The following MKLN1 variants were observed in gnomAD, a reference collection of about 807,000 sequenced individuals.
MKLN1 encodes muskelin 1.
MKLN1 carries 18 observed loss-of-function variants against 99.0 expected under a neutral mutation model. The ratio of observed to expected loss-of-function variants is 0.18; its 90% confidence interval spans 0.13 to 0.27. The LOEUF (loss-of-function observed/expected upper bound fraction) is 0.27, where lower values mean the gene tolerates loss of function less well. Ranked by LOEUF, MKLN1 falls within the 10% of genes least tolerant of loss-of-function variation. The pLI, the probability that MKLN1 is intolerant of heterozygous loss-of-function variation, is 1.00. For synonymous variants in MKLN1, 288 were observed against 293.2 expected (o/e 0.98, Z 0.18); for missense variants, 621 against 875.9 (o/e 0.71, Z 3.67).
Position 131,496,031 on chromosome 7 carries a change from CAAG to C in MKLN1, c.*8305_*8307del, listed in dbSNP as rs1276447162. 3.3e-5 allele frequency: 5 copies of C among 151,206 alleles called. No homozygotes were observed. Among genetic ancestry groups the C allele is most frequent in the Non-Finnish European group, 1.5e-5 (1 of 68,010 alleles). The allele number at this position is 151,206 out of a possible 1,614,324, so 9.4% of individuals were successfully genotyped here. ...AACATGAAGCAAGGAGTCCATAAAA[CAAG>C]AGTTCTTTACCACGTTTAAGCAAAT... is the stretch of plus-strand genomic sequence containing the variant. On this transcript the variant is annotated 3_prime_UTR_variant, in exon 18 of 18. Coordinates refer to ENST00000352689, the MANE Select transcript of MKLN1 (RefSeq NM_013255.5).
chr7:131,413,649 C>T (rs1475838979), intron 7 of MKLN1, among the ~76,000 whole-genome samples: 1 of 151,996 alleles, frequency 6.6e-6, no homozygotes. Flanking sequence ...AAGTGATTCT[C>T]CTGCCTCAGC....
At chr7:131,334,996 T>TCC (rs1799210750) in intron 1 of MKLN1, among the ~76,000 whole-genome samples, 1 of 152,204 alleles carries the variant, frequency 6.6e-6, no homozygotes, top group Non-Finnish European at 1.5e-5. Flanking sequence ...GGATAGTTGA[T>TCC]CCGGGTATCT....
Position 131,366,536 on chromosome 7 carries a change from T to C in MKLN1, c.99-8888T>C, listed in dbSNP as rs182729024. Reference sequence around the variant, plus strand: ...TTAAGAGTAGTAATTTAGGGCTGGGTGTGGTGGCTCATGCCTGTAATCCCA... The same window carrying C: ...TTAAGAGTAGTAATTTAGGGCTGGGCGTGGTGGCTCATGCCTGTAATCCCA... On this transcript the variant is annotated intron_variant, in intron 1 of 17. Coordinates refer to ENST00000352689, the MANE Select transcript of MKLN1 (RefSeq NM_013255.5). 3.2e-4 allele frequency among the ~76,000 whole-genome samples: 49 copies of C among 152,208 alleles called. 1 individual carries two copies. The East Asian group carries it at 8.3e-3, about 26-fold the overall frequency.
chr7:131,119,069 G>A (rs953647951), intron 1 of MKLN1, among the ~76,000 whole-genome samples: 1 of 152,268 alleles, frequency 6.6e-6, no homozygotes. Context: ...TATCTCATCT[G>A]AGACAATGCA....
intron 3 of MKLN1, among the ~76,000 whole-genome samples, chr7:131,306,317 G>A (rs182416862): frequency 6.6e-6 from 1 of 152,344 alleles, no homozygotes; most frequent in Non-Finnish European, 1.5e-5. Context: ...CTAAAAATGT[G>A]GAAGTGACTT....
rs202016799 is a variant in MKLN1, at chr7:131,357,884, G to A, written c.99-17540G>A. On this transcript the variant is annotated intron_variant, in intron 1 of 17. Coordinates refer to ENST00000352689, the MANE Select transcript of MKLN1 (RefSeq NM_013255.5). The stretch of plus-strand genomic sequence containing the variant: ...ATCTGGGTGCTAGATGTCCTGCTTC[G>A]GGGGTTTTGTTTCTTTTAGTCCCTC... Among the ~76,000 whole-genome samples the A allele has an allele frequency of 8.5e-5, 13 of 152,164 alleles. No individual in the cohort carries two copies. The East Asian group carries it at 1.5e-3, about 18-fold the overall frequency.
intron 1 of MKLN1, among the ~76,000 whole-genome samples, chr7:131,337,747 A>G (rs2116714225): frequency 6.6e-6 from 1 of 150,610 alleles, no homozygotes; most frequent in East Asian, 1.9e-4. Flanking sequence ...ATATTTGTAT[A>G]TTAATGTATG....
intron 3 of MKLN1, among the ~76,000 whole-genome samples, chr7:131,244,926 C>T (rs927296517): frequency 6.6e-6 from 1 of 152,174 alleles, no homozygotes; most frequent in Non-Finnish European, 1.5e-5. Context: ...CACGGCGGCA[C>T]CCTTTCCTCC....
At chr7:131,343,999 T>C (rs1425232242) in intron 1 of MKLN1, among the ~76,000 whole-genome samples, 3 of 152,174 alleles carry the variant, frequency 2.0e-5, no homozygotes, top group Non-Finnish European at 4.4e-5. Flanking sequence ...ATGCTTCAGA[T>C]ACAATGGCAT....
chr7:131,436,646 T>A (rs1364670881), intron 9 of MKLN1, among the ~76,000 whole-genome samples: 1 of 152,212 alleles, frequency 6.6e-6, no homozygotes, highest in Non-Finnish European at 1.5e-5. Context: ...AACACACACA[T>A]ACACAGTAAT....
chr7:131,269,712 T>C (rs570666266), intron 3 of MKLN1, among the ~76,000 whole-genome samples: 1 of 152,334 alleles, frequency 6.6e-6, no homozygotes, highest in South Asian at 2.1e-4. Flanking sequence ...GGCTATTTCA[T>C]AGTTCAGCTA....
chr7:131,288,291 G>A (rs1007848802), intron 3 of MKLN1, among the ~76,000 whole-genome samples: 1 of 152,098 alleles, frequency 6.6e-6, no homozygotes, highest in African/African-American at 2.4e-5. Flanking sequence ...TTGGCATTAG[G>A]TATGCCCCTT....
intron 2 of MKLN1, among the ~76,000 whole-genome samples, chr7:131,175,269 G>GATAGA (rs1554532234): frequency 3.9e-5 from 2 of 50,924 alleles, no homozygotes; most frequent in South Asian, 9.3e-4. Context: ...GATAGATAGA[G>GATAGA]TAGGTGGAAG....
intron 3 of MKLN1, among the ~76,000 whole-genome samples, chr7:131,317,992 C>G (rs947319946): frequency 1.3e-5 from 2 of 152,140 alleles, no homozygotes; most frequent in Non-Finnish European, 2.9e-5. Context: ...GAGACTTAGA[C>G]TCCCACACAA....
At chr7:131,429,171 C>A (rs1455129672) in intron 9 of MKLN1, 26 bp downstream of exon 9, 2 of 1,500,516 alleles carry the variant, frequency 1.3e-6, no homozygotes, top group Non-Finnish European at 1.9e-6. Flanking sequence ...TTTCATACAT[C>A]TATATTACAG....
At chr7:131,400,256 A>G (rs1794492685) in intron 6 of MKLN1, among the ~76,000 whole-genome samples, 1 of 151,776 alleles carries the variant, frequency 6.6e-6, no homozygotes, top group Non-Finnish European at 1.5e-5. Context: ...TTTATCAGAT[A>G]TTGGGTAGCT....
chr7:131,453,936 A>G (rs888755104), intron 12 of MKLN1, among the ~76,000 whole-genome samples: 1 of 152,106 alleles, frequency 6.6e-6, no homozygotes, highest in Non-Finnish European at 1.5e-5. Context: ...AAATTTACAC[A>G]TGTACAGATG....
intron 3 of MKLN1, among the ~76,000 whole-genome samples, chr7:131,213,916 G>T (rs1796942327): frequency 6.6e-6 from 1 of 151,602 alleles, no homozygotes; most frequent in African/African-American, 2.4e-5. Flanking sequence ...TTTCTTGATG[G>T]TCTCTTTTTT....
chr7:131,284,501 A>G (rs1477467293), intron 3 of MKLN1, among the ~76,000 whole-genome samples: 1 of 152,220 alleles, frequency 6.6e-6, no homozygotes, highest in Admixed American at 6.5e-5. Flanking sequence ...GGTAGCATCT[A>G]TGTTGGCTGG....
Sources: allele counts gnomAD v4.1 joint callset (sites outside exome capture counted in the v4.1 genomes callset), GRCh38; gene constraint gnomAD v4.1.1; transcripts MANE v1.5; gene names NCBI Gene and HGNC (gene_info 2026-07-23, HGNC 2026-07-21).